The following TMTC2 variants were observed in gnomAD, a reference collection of about 807,000 sequenced individuals.
TMTC2 encodes transmembrane O-mannosyltransferase targeting cadherins 2, also known as protein O-mannosyl-transferase TMTC2.
A neutral mutation model predicts 82.4 loss-of-function variants in TMTC2; 43 were observed. The observed-to-expected ratio is 0.52, with a 90% CI of 0.41 to 0.67. TMTC2 has a LOEUF of 0.67. TMTC2 is among the 30% of genes least tolerant of loss of function. The pLI is 0.00. For missense variants in TMTC2, 919 were observed against 1,012.4 expected, an observed-to-expected ratio of 0.91 and a Z score of 1.25; for synonymous variants, 408 against 381.9, an observed-to-expected ratio of 1.07 and a Z score of -0.80.
chr12:82,913,634 A>AT (rs1335088325), intron 3 of TMTC2, among the ~76,000 whole-genome samples: 2 of 152,054 alleles, frequency 1.3e-5, no homozygotes, highest in Non-Finnish European at 2.9e-5. Flanking sequence ...ATATTTCCTG[A>AT]TTTTTCCTCT....
intron 1 of TMTC2, among the ~76,000 whole-genome samples, chr12:82,846,788 T>C (rs561005479): frequency 2.6e-5 from 4 of 152,120 alleles, no homozygotes; most frequent in Non-Finnish European, 5.9e-5. Context: ...ATATGTGTGG[T>C]AACAATTTAT....
chr12:82,696,602 T>A (rs1177221503), intron 1 of TMTC2, among the ~76,000 whole-genome samples: 1 of 152,216 alleles, frequency 6.6e-6, no homozygotes, highest in African/African-American at 2.4e-5. Context: ...ACTTTTTTTC[T>A]TTTATAAACA....
chr12:82,742,082 A>G (rs1244400980), intron 1 of TMTC2, among the ~76,000 whole-genome samples: 1 of 152,110 alleles, frequency 6.6e-6, no homozygotes, highest in Non-Finnish European at 1.5e-5. Context: ...TACCATGTGG[A>G]GGCCTAGTAT....
chr12:82,769,444 C>T (rs1032239776), intron 1 of TMTC2, among the ~76,000 whole-genome samples: 1 of 151,842 alleles, frequency 6.6e-6, no homozygotes, highest in Non-Finnish European at 1.5e-5. Flanking sequence ...CCACTGTACT[C>T]CAGCTTGGGT....
intron 4 of TMTC2, among the ~76,000 whole-genome samples, chr12:82,958,770 A>T (rs1217776564): frequency 6.6e-6 from 1 of 151,738 alleles, no homozygotes; most frequent in Non-Finnish European, 1.5e-5. Flanking sequence ...GAGAACTGGA[A>T]TAAGAAAAGA....
intron 11 of TMTC2, among the ~76,000 whole-genome samples, chr12:83,074,284 G>A (rs1014015247): frequency 6.6e-6 from 1 of 152,178 alleles, no homozygotes; most frequent in African/African-American, 2.4e-5. Context: ...CAGGCTCCGT[G>A]CTGGTACTGG....
intron 1 of TMTC2, among the ~76,000 whole-genome samples, chr12:82,697,354 A>G (rs34249854): frequency 4.7e-5 from 7 of 149,684 alleles, no homozygotes; most frequent in African/African-American, 1.5e-4. Context: ...AAAAAAAAAA[A>G]GGAAAAAAAA....
chr12:82,842,588 A>G (rs1306234992), intron 1 of TMTC2, among the ~76,000 whole-genome samples: 1 of 152,190 alleles, frequency 6.6e-6, no homozygotes, highest in African/African-American at 2.4e-5. Context: ...TCTCTATGGT[A>G]TAGTAGGGCT....
intron 1 of TMTC2, among the ~76,000 whole-genome samples, chr12:82,762,881 A>G (rs2136982773): frequency 6.6e-6 from 1 of 152,258 alleles, no homozygotes; most frequent in African/African-American, 2.4e-5. Flanking sequence ...TTCCTCTCAA[A>G]TAACTTAAAA....
In TMTC2 at chr12:82,939,809, G is replaced by T. The variant is rs186454196; in HGVS notation, c.1598+9264G>T. On this transcript the variant is annotated intron_variant, in intron 4 of 11. Transcript: ENST00000321196. ...TTTAAAAGGCAAACCTCTCATCCTTGTTATTTGTTTCCCACACTTCTTGAT... is the reference window on the plus strand; with the variant it reads ...TTTAAAAGGCAAACCTCTCATCCTTTTTATTTGTTTCCCACACTTCTTGAT... 3.9e-5 allele frequency among the ~76,000 whole-genome samples: 6 copies of T among 152,054 alleles called. No homozygotes were observed. The East Asian group carries it at 1.2e-3, about 30-fold the overall frequency.
At chr12:83,086,881 C>T (rs1278198096) in intron 11 of TMTC2, among the ~76,000 whole-genome samples, 5 of 152,112 alleles carry the variant, frequency 3.3e-5, no homozygotes, top group African/African-American at 1.2e-4. Context: ...TAGCTGCTGA[C>T]CCATCAGGGT....
In TMTC2 at chr12:83,132,455, C is replaced by A; in HGVS notation, c.*66C>A. 12 of 1,561,720 alleles carry A rather than the reference C, an allele frequency of 7.7e-6. No individual in the cohort carries two copies. Among genetic ancestry groups the A allele is most frequent in the Non-Finnish European group, 1.0e-5 (12 of 1,144,096 alleles). On this transcript the variant is annotated 3_prime_UTR_variant, in exon 12 of 12. Transcript: ENST00000321196. ...TGGCTTCCTTAGCAGACAGAACTTCCCAGCAGTGCTATGACAAGAGCTGGT... is the reference window on the plus strand; with the variant it reads ...TGGCTTCCTTAGCAGACAGAACTTCACAGCAGTGCTATGACAAGAGCTGGT...
intron 1 of TMTC2, among the ~76,000 whole-genome samples, chr12:82,797,699 C>T (rs12298640): frequency 0.056 from 8,546 of 152,044 alleles, 304 homozygotes; most frequent in Middle Eastern, 0.14. Context: ...AATTATCTGA[C>T]AGTGGTTTTC....
intron 2 of TMTC2, among the ~76,000 whole-genome samples, chr12:82,894,151 T>C (rs1414668641): frequency 6.6e-6 from 1 of 152,166 alleles, no homozygotes; most frequent in Non-Finnish European, 1.5e-5. Context: ...GAGTTCTATT[T>C]TGGGTATTTA....
rs188099943 is a variant in TMTC2 at position 82,711,942 on chromosome 12, C to T, written c.83+24273C>T. ...TCTTAGAGAGAAGTGAATTCTCCTC[C>T]TTCTTGTTGTTTCTTCTGCCACCTT... On this transcript the variant is annotated intron_variant, in intron 1 of 11. Coordinates refer to ENST00000321196, the MANE Select transcript of TMTC2 (RefSeq NM_152588.3). Among the ~76,000 whole-genome samples, 138 of 152,280 alleles carry T rather than the reference C, an allele frequency of 9.1e-4. 1 individual carries two copies. In the East Asian group the frequency reaches 0.02, roughly 22 times the overall value.
At chr12:82,936,320 T>C (rs1409660185) in intron 4 of TMTC2, among the ~76,000 whole-genome samples, 1 of 152,072 alleles carries the variant, frequency 6.6e-6, no homozygotes, top group Non-Finnish European at 1.5e-5. Flanking sequence ...ATTAGACTTC[T>C]TATGTATTTT....
rs1592704708 is a variant in TMTC2, at chr12:83,030,338, T to C, written c.2071-460T>C. 2.0e-5 allele frequency among the ~76,000 whole-genome samples: 3 copies of C among 152,132 alleles called. No homozygotes were observed. The East Asian group carries it at 5.8e-4, about 29-fold the overall frequency. On this transcript the variant is annotated intron_variant, in intron 8 of 11. Transcript: ENST00000321196. ...GACTGTGTAATTCAATATAATTTGA[T>C]GAAATATAATGTTAGGTATTTTGAG...
intron 1 of TMTC2, among the ~76,000 whole-genome samples, chr12:82,750,144 CTTA>C (rs1400537711): frequency 2.0e-5 from 3 of 152,054 alleles, no homozygotes; most frequent in Non-Finnish European, 4.4e-5. Context: ...TCACTACATA[CTTA>C]TTTGTAGTTT....
intron 1 of TMTC2, chr12:82,758,932 C>T (rs1256666884): frequency 6.6e-6 from 1 of 152,048 alleles, no homozygotes; most frequent in Non-Finnish European, 1.5e-5. Context: ...ATAAGGAAAA[C>T]ATACCGGATT....
Sources: gnomAD v4.1 joint callset for allele counts (sites outside exome capture counted in the v4.1 genomes callset) on GRCh38, gnomAD v4.1.1 for gene constraint, MANE v1.5 for transcripts, NCBI Gene and HGNC (gene_info 2026-07-23, HGNC 2026-07-21) for gene names.